Variants in KCNMA1 observed in about 807,000 individuals in gnomAD.
KCNMA1 encodes potassium calcium-activated channel subfamily M alpha 1.
A neutral mutation model predicts 140.0 loss-of-function variants in KCNMA1; 29 were observed. The ratio of observed to expected loss-of-function variants is 0.21; its 90% CI spans 0.15 to 0.28. KCNMA1 has a LOEUF of 0.28. Among genes scored for constraint, KCNMA1 ranks in the 10% least tolerant of loss-of-function variants. The probability of loss-of-function intolerance (pLI) is 1.00; values close to 1 mark genes in which losing one functional copy is unlikely to be tolerated. For missense variants in KCNMA1, 880 were observed against 1,602.2 expected (o/e 0.55, Z 7.70); for synonymous variants, 612 against 611.9 (o/e 1.00, Z 0.00).
At chr10:77,511,099 A>G (rs1266428152) in intron 1 of KCNMA1, among the ~76,000 whole-genome samples, 1 of 152,178 alleles carries the variant, frequency 6.6e-6, no homozygotes, top group Non-Finnish European at 1.5e-5. Flanking sequence ...GCAGTCTCAA[A>G]ATTCATAGAG....
intron 5 of KCNMA1, among the ~76,000 whole-genome samples, chr10:77,164,169 C>T (rs1292555911): frequency 6.6e-6 from 1 of 152,200 alleles, no homozygotes; most frequent in Non-Finnish European, 1.5e-5. Context: ...GACTCAGCAG[C>T]CTGATGCATC....
In KCNMA1 at chr10:77,363,795, C is replaced by T. The variant is rs1041765062; in HGVS notation, c.540+40067G>A. ...GTTAATTCCTGCTCCCTTTTCTGGT[C>T]TCAGCTCAAATGTTGCCTCCTCAAG... On this transcript the variant is annotated intron_variant, in intron 2 of 27. Transcript: ENST00000286628. Among the ~76,000 whole-genome samples, 11 of 152,284 alleles carry T rather than the reference C, an allele frequency of 7.2e-5. No homozygotes were observed. In the South Asian group the frequency reaches 1.9e-3, roughly 26 times the overall value.
At chr10:77,403,281 C>A (rs1247420394) in intron 2 of KCNMA1, among the ~76,000 whole-genome samples, 1 of 152,176 alleles carries the variant, frequency 6.6e-6, no homozygotes, top group African/African-American at 2.4e-5. Flanking sequence ...GAAAAGGGCA[C>A]ACAAGCGAGC....
chr10:77,197,732 A>G (rs1276915707), intron 3 of KCNMA1, among the ~76,000 whole-genome samples: 50 of 152,266 alleles, frequency 3.3e-4, no homozygotes, highest in Non-Finnish European at 1.2e-4. Flanking sequence ...GACAACCGAA[A>G]GGGGGAGGTT....
intron 2 of KCNMA1, among the ~76,000 whole-genome samples, chr10:77,253,454 G>A (rs1341073099): frequency 6.6e-6 from 1 of 152,258 alleles, no homozygotes; most frequent in Non-Finnish European, 1.5e-5. Flanking sequence ...TGATTTCGCA[G>A]CATCCAGATG....
intron 2 of KCNMA1, among the ~76,000 whole-genome samples, chr10:77,385,459 G>A (rs1260506451): frequency 6.6e-6 from 1 of 152,228 alleles, no homozygotes; most frequent in Non-Finnish European, 1.5e-5. Flanking sequence ...AACCCTATGA[G>A]GTAAGTACTA....
At chr10:77,218,839 A>G (rs886537827) in intron 3 of KCNMA1, among the ~76,000 whole-genome samples, 1 of 152,082 alleles carries the variant, frequency 6.6e-6, no homozygotes, top group Non-Finnish European at 1.5e-5. Context: ...GGTGCACGCC[A>G]CCATATCCGG....
At chr10:77,069,925 C>T (rs1426951141) in intron 14 of KCNMA1, among the ~76,000 whole-genome samples, 1 of 152,114 alleles carries the variant, frequency 6.6e-6, no homozygotes, top group Non-Finnish European at 1.5e-5. Flanking sequence ...AAGCAATTCC[C>T]CGGCTTCAGC....
At chr10:77,470,314 C>G (rs907547253) in intron 1 of KCNMA1, among the ~76,000 whole-genome samples, 2 of 152,112 alleles carry the variant, frequency 1.3e-5, no homozygotes, top group Middle Eastern at 3.2e-3. Context: ...GGAGACTCAG[C>G]AAACTGAGGA....
chr10:77,389,738 C>A (rs2154441449), intron 2 of KCNMA1, among the ~76,000 whole-genome samples: 1 of 152,294 alleles, frequency 6.6e-6, no homozygotes, highest in African/African-American at 2.4e-5. Flanking sequence ...CGGCATCCTT[C>A]CCCCTGCCCA....
intron 3 of KCNMA1, chr10:77,250,462 C>T (rs1448528566): frequency 1.3e-5 from 2 of 152,690 alleles, no homozygotes; most frequent in African/African-American, 4.8e-5. Flanking sequence ...CAGGGCAGAA[C>T]TGGCTGCAAC....
chr10:77,406,347 C>T (rs1193636049), intron 1 of KCNMA1, among the ~76,000 whole-genome samples: 1 of 152,054 alleles, frequency 6.6e-6, no homozygotes, highest in East Asian at 1.9e-4. Context: ...TACTGCCAGC[C>T]CCTCAGGCAT....
intron 1 of KCNMA1, among the ~76,000 whole-genome samples, chr10:77,410,883 C>T (rs1390887350): frequency 1.3e-5 from 2 of 152,246 alleles, no homozygotes; most frequent in African/African-American, 2.4e-5. Flanking sequence ...CACCTCATCC[C>T]GACCTCTCCC....
At chr10:77,633,766 A>C (rs1391196700) in intron 1 of KCNMA1, among the ~76,000 whole-genome samples, 1 of 152,202 alleles carries the variant, frequency 6.6e-6, no homozygotes, top group Non-Finnish European at 1.5e-5. Context: ...TCAAACTGAG[A>C]ATGGAAATAA....
intron 1 of KCNMA1, among the ~76,000 whole-genome samples, chr10:77,464,805 C>T (rs2097952202): frequency 1.3e-5 from 2 of 152,158 alleles, no homozygotes; most frequent in Non-Finnish European, 1.5e-5. Context: ...CTGACTATTG[C>T]CTGAGTTGGA....
chr10:77,107,507 G>T (rs564067680), intron 9 of KCNMA1, among the ~76,000 whole-genome samples: 1 of 152,318 alleles, frequency 6.6e-6, no homozygotes, highest in South Asian at 2.1e-4. Context: ...GATGGCTGCT[G>T]CCAGCCCCCT....
At chr10:77,197,849 G>A (rs1010914780) in intron 3 of KCNMA1, among the ~76,000 whole-genome samples, 2 of 152,152 alleles carry the variant, frequency 1.3e-5, no homozygotes, top group South Asian at 2.1e-4. Flanking sequence ...TATGAGAGAG[G>A]TGAGTTACTT....
chr10:77,274,777 T>C (rs781545563), intron 2 of KCNMA1, among the ~76,000 whole-genome samples: 15 of 152,176 alleles, frequency 9.9e-5, no homozygotes, highest in Non-Finnish European at 2.1e-4. Flanking sequence ...TAACTATCGA[T>C]TGTCAGAGGA....
At chr10:77,310,371 T>C (rs1418393194) in intron 2 of KCNMA1, among the ~76,000 whole-genome samples, 1 of 152,084 alleles carries the variant, frequency 6.6e-6, no homozygotes, top group Non-Finnish European at 1.5e-5. Flanking sequence ...AAGGTGCCCA[T>C]ACCATGGTGA....
Sources: allele counts gnomAD v4.1 joint callset (sites outside exome capture counted in the v4.1 genomes callset), GRCh38; gene constraint gnomAD v4.1.1; transcripts MANE v1.5; gene names NCBI Gene and HGNC (gene_info 2026-07-23, HGNC 2026-07-21).